The following CACNA1E variants were observed in gnomAD, a reference collection of about 807,000 sequenced individuals.
CACNA1E encodes the protein voltage-dependent R-type calcium channel subunit alpha-1E.
CACNA1E carries 40 observed loss-of-function variants against 259.2 expected under a neutral mutation model. The ratio of observed to expected loss-of-function variants is 0.15; its 90% CI spans 0.12 to 0.20. The LOEUF (loss-of-function observed/expected upper bound fraction) is 0.20, where lower values mean the gene tolerates loss of function less well. Ranked by LOEUF, CACNA1E falls within the 10% of genes least tolerant of loss-of-function variation. CACNA1E has a pLI of 1.00. For synonymous variants in CACNA1E, 1,104 were observed against 1,138.5 expected (o/e 0.97, Z 0.61); for missense variants, 1,874 against 3,040.1 (o/e 0.62, Z 9.02).
intron 1 of CACNA1E, among the ~76,000 whole-genome samples, chr1:181,350,029 G>T (rs935634986): frequency 1.3e-5 from 2 of 152,014 alleles, no homozygotes; most frequent in African/African-American, 4.8e-5. Context: ...GAGAGGAAGG[G>T]TGTTGCACCC....
chr1:181,792,120 A>G (rs879389269), intron 44 of CACNA1E, among the ~76,000 whole-genome samples: 2 of 152,066 alleles, frequency 1.3e-5, no homozygotes, highest in Non-Finnish European at 2.9e-5. Context: ...ATAATAAACT[A>G]TAGATAGTTT....
At chr1:181,671,175 A>G (rs1351561096) in intron 7 of CACNA1E, among the ~76,000 whole-genome samples, 2 of 152,198 alleles carry the variant, frequency 1.3e-5, no homozygotes, top group Non-Finnish European at 2.9e-5. Flanking sequence ...CTGGGACTAC[A>G]GGTGCATATC....
chr1:181,737,423 C>T (rs1656145637), intron 22 of CACNA1E, 102 bp from the exon 23 acceptor site: 2 of 1,385,030 alleles, frequency 1.4e-6, no homozygotes, highest in African/African-American at 1.4e-5. Context: ...TTGGCAAGGG[C>T]CTGGCTGTCT....
intron 35 of CACNA1E, among the ~76,000 whole-genome samples, chr1:181,766,968 C>G: frequency 6.6e-6 from 1 of 152,222 alleles, no homozygotes; most frequent in East Asian, 1.9e-4. Context: ...ATCTATTTCT[C>G]AGGATCTCTG....
chr1:181,658,651 T>C (rs1160342186), intron 7 of CACNA1E, among the ~76,000 whole-genome samples: 8 of 152,192 alleles, frequency 5.3e-5, no homozygotes, highest in Non-Finnish European at 5.9e-5. Context: ...CATGGGCTCC[T>C]CTGGGAGATG....
intron 12 of CACNA1E, among the ~76,000 whole-genome samples, chr1:181,719,489 TGTTGTA>T (rs1339479582): frequency 6.6e-6 from 1 of 152,216 alleles, no homozygotes; most frequent in Non-Finnish European, 1.5e-5. Context: ...AGCAACTGGC[TGTTGTA>T]GTTTTCACCA....
chr1:181,778,686 T>C (rs981591069), intron 38 of CACNA1E, among the ~76,000 whole-genome samples: 1 of 151,958 alleles, frequency 6.6e-6, no homozygotes, highest in Non-Finnish European at 1.5e-5. Flanking sequence ...GGGAAAAGGG[T>C]TGGTAAGATA....
rs1404010257 is a variant in CACNA1E at position 181,803,056 on chromosome 1, C to CT, written c.*4223dup. 6.6e-6 allele frequency: 1 copy of CT among 152,138 alleles called. No homozygotes were observed. The highest frequency in any genetic ancestry group is 6.5e-5 in the Admixed American group (1 of 15,276). The allele number at this position is 152,138 out of a possible 1,614,324, so 9.4% of individuals were successfully genotyped here. A position where few individuals can be genotyped will look rare whatever the true frequency, so the allele number is the denominator to read the frequency against. ...CTATTTTTGTTCATCAGTTTCATGT[C>CT]TGTTATGTTTTGAGATCCTCAGAGG... is the stretch of plus-strand genomic sequence containing the variant. On this transcript the variant is annotated 3_prime_UTR_variant, in exon 48 of 48. Transcript: ENST00000367573.
chr1:181,650,829 CT>C (rs1658690607), intron 6 of CACNA1E, among the ~76,000 whole-genome samples: 1 of 152,194 alleles, frequency 6.6e-6, no homozygotes, highest in Non-Finnish European at 1.5e-5. Flanking sequence ...TGCTATTGTA[CT>C]ATGATGGAAG....
At position 181,732,821 on chromosome 1, in the gene CACNA1E, C is replaced by A; in HGVS notation, c.2735C>A (p.Ala912Asp). Residue 912 changes from alanine to aspartate, a missense_variant, in exon 20 of 48, where the codon GCC becomes GAC. Around this residue, in one of 14 missense-constraint regions of CACNA1E, gnomAD observed 476 missense variants for 514.0 expected, o/e 0.93. Transcript: ENST00000367573. The surrounding 1 kb of genome is among the most constrained non-coding windows in gnomAD (Gnocchi z 5.5). ...GEAVVTFEDR[A>D]RHRQSQRRSR... ...GCTGTGGTGACCTTTGAGGACCGGG[C>A]CAGGCACAGGCAGAGCCAACGGCGC... 6.2e-7 allele frequency: 1 copy of A among 1,611,310 alleles called. No homozygotes were observed. The highest frequency in any genetic ancestry group is 8.5e-7 in the Non-Finnish European group (1 of 1,178,438).
intron 2 of CACNA1E, among the ~76,000 whole-genome samples, chr1:181,475,864 A>G (rs1355663439): frequency 6.6e-6 from 1 of 152,170 alleles, no homozygotes; most frequent in Non-Finnish European, 1.5e-5. Flanking sequence ...GGGTCTGGAA[A>G]TGAGGCGAAA....
intron 29 of CACNA1E, 126 bp from the exon 30 acceptor site, chr1:181,756,798 CA>C (rs1179716857): frequency 1.2e-4 from 82 of 681,204 alleles, no homozygotes; most frequent in South Asian, 1.6e-4. Context: ...GGTTTGGACT[CA>C]AAAAAAATTA....
chr1:181,409,368 A>G lies in CACNA1E; in HGVS notation c.-14-3765A>G, dbSNP rs543348273. Among the ~76,000 whole-genome samples, 4 of 152,286 alleles carry G rather than the reference A, an allele frequency of 2.6e-5. No individual in the cohort carries two copies. The South Asian group carries it at 8.3e-4, about 32-fold the overall frequency. ...AGTAACATATATCACTTCCACTCAC[A>G]ACTCACTGGCCAAAATGGTCACATG... is the stretch of plus-strand genomic sequence containing the variant. On this transcript the variant is annotated intron_variant, in intron 1 of 11. Coordinates refer to the CACNA1E transcript ENST00000524607.
chr1:181,586,373 T>C (rs1006303127), intron 6 of CACNA1E, among the ~76,000 whole-genome samples: 1 of 152,080 alleles, frequency 6.6e-6, no homozygotes, highest in Non-Finnish European at 1.5e-5. Flanking sequence ...GTTTTCAGTG[T>C]ATAGATGGTA....
intron 2 of CACNA1E, among the ~76,000 whole-genome samples, chr1:181,451,519 C>T (rs1661155395): frequency 6.6e-6 from 1 of 152,104 alleles, no homozygotes; most frequent in African/African-American, 2.4e-5. Flanking sequence ...AACCCCATCT[C>T]TACTAAAAAT....
chr1:181,455,219 T>C (rs776460799), intron 2 of CACNA1E, among the ~76,000 whole-genome samples: 1 of 152,246 alleles, frequency 6.6e-6, no homozygotes, highest in Admixed American at 6.5e-5. Context: ...TTTTGAAATT[T>C]GGCTCATCCT....
chr1:181,430,850 T>A (rs1249319882), intron 2 of CACNA1E, among the ~76,000 whole-genome samples: 1 of 152,232 alleles, frequency 6.6e-6, no homozygotes, highest in Admixed American at 6.5e-5. Context: ...GAGGGGGCAT[T>A]ATCTGGATTT....
chr1:181,699,428 A>T (rs1652017371), intron 7 of CACNA1E, among the ~76,000 whole-genome samples: 1 of 152,186 alleles, frequency 6.6e-6, no homozygotes, highest in Non-Finnish European at 1.5e-5. Context: ...TGTGATCAGG[A>T]AAGTTCTCCC....
At chr1:181,567,780 G>A (rs1649992808) in intron 3 of CACNA1E, among the ~76,000 whole-genome samples, 1 of 152,188 alleles carries the variant, frequency 6.6e-6, no homozygotes, top group South Asian at 2.1e-4. Context: ...TTCTGTAGAG[G>A]TGGGTTTTTT....
Sources: allele counts gnomAD v4.1 joint callset (sites outside exome capture counted in the v4.1 genomes callset), GRCh38; gene constraint gnomAD v4.1.1; regional missense constraint gnomAD v4.1.1; non-coding constraint Gnocchi (gnomAD v3.1); transcripts MANE v1.5; gene names NCBI Gene and HGNC (gene_info 2026-07-23, HGNC 2026-07-21).